TSPEAR: variants seen among roughly 807,000 people sequenced by gnomAD.
TSPEAR encodes thrombospondin type laminin G domain and EAR repeats.
TSPEAR carries 69 observed loss-of-function variants against 71.6 expected under a neutral mutation model. The observed-to-expected ratio is 0.96, with a 90% CI of 0.79 to 1.18. TSPEAR has a LOEUF of 1.18. Among genes scored for constraint, TSPEAR ranks in the 50% most tolerant of loss-of-function variants. The pLI is 0.00. For synonymous variants in TSPEAR, 402 were observed against 387.2 expected (o/e 1.04, Z -0.45); for missense variants, 971 against 894.9 (o/e 1.09, Z -1.09).
chr21:44,671,592 C>T (rs1555945933), intron 1 of TSPEAR, among the ~76,000 whole-genome samples: 1 of 152,218 alleles, frequency 6.6e-6, no homozygotes. Context: ...ACTAGTGATG[C>T]TGTTCACAGC....
chr21:44,629,305 A>G (rs1416893189), intron 1 of TSPEAR, among the ~76,000 whole-genome samples: 2 of 152,178 alleles, frequency 1.3e-5, no homozygotes, highest in Non-Finnish European at 2.9e-5. Context: ...GGCTCGAGCC[A>G]CATACATGGG....
rs782658378 is a variant in TSPEAR, at chr21:44,509,397, AG to A, written c.1567-12del. 3.3e-6 allele frequency: 5 copies of A among 1,535,650 alleles called. No homozygotes were observed. The highest frequency in any genetic ancestry group is 4.4e-6 in the Non-Finnish European group (5 of 1,130,050). On this transcript the variant is annotated splice_polypyrimidine_tract_variant and intron_variant, in intron 9 of 11. Transcript: ENST00000323084. ...TGCAGCACCGAACGTCTAGGACCAA[AG>A]GAGAGCAGGTGCAGAGGTGTGGGGG...
chr21:44,614,553 A>G (rs1981947268), intron 1 of TSPEAR, among the ~76,000 whole-genome samples: 1 of 152,232 alleles, frequency 6.6e-6, no homozygotes, highest in Admixed American at 6.5e-5. Context: ...GGTTCCTGGC[A>G]GGGCCGTGTG....
In TSPEAR at chr21:44,528,488, G is replaced by T. The variant is rs782675044; in HGVS notation, c.886C>A (p.Leu296Met). ...WFDASRKGLY[L>M]CVGNEWVSVL... The stretch of plus-strand genomic sequence containing the variant: ...GAGACCCACTCGTTGCCAACACACA[G>T]ATACAGGCCCTTCCGGCTGGCATCA... Residue 296 changes from leucine to methionine, a missense_variant, in exon 6 of 12, where the codon CTG (leucine) becomes ATG (methionine). Leu to Met is a conservative substitution (Grantham distance 15). Transcript: ENST00000323084. 9 of 1,614,090 alleles carry T rather than the reference G, an allele frequency of 5.6e-6. No individual in the cohort carries two copies. In the East Asian group the frequency reaches 6.7e-5, roughly 12 times the overall value.
At chr21:44,548,892 A>T (rs2053349711) in intron 2 of TSPEAR, among the ~76,000 whole-genome samples, 1 of 152,218 alleles carries the variant, frequency 6.6e-6, no homozygotes, top group Non-Finnish European at 1.5e-5. Flanking sequence ...GAGTGTGGAA[A>T]GGTATATGGT....
Position 44,500,084 on chromosome 21 carries a change from A to G in TSPEAR, c.1857-148T>C, listed in dbSNP as rs753955053. 2.5e-6 allele frequency: 2 copies of G among 789,086 alleles called. 1 individual carries two copies. The allele number at this position is 789,086 out of a possible 1,614,324, so 48.9% of individuals were successfully genotyped here. On this transcript the variant is annotated intron_variant, in intron 11 of 11. Coordinates refer to ENST00000323084, the MANE Select transcript of TSPEAR (RefSeq NM_144991.3). Reference sequence around the variant, plus strand: ...CCCCCGACTGGCACAGCGTGGGGAGATCGATTCTGGGCCATGAGGGCCTTC... The same window carrying G: ...CCCCCGACTGGCACAGCGTGGGGAGGTCGATTCTGGGCCATGAGGGCCTTC...
chr21:44,659,036 G>A (rs1985337595), intron 1 of TSPEAR, among the ~76,000 whole-genome samples: 1 of 152,120 alleles, frequency 6.6e-6, no homozygotes, highest in South Asian at 2.1e-4. Flanking sequence ...GGGGTAGCAG[G>A]AAGTCGAAGA....
chr21:44,500,164 C>T (rs144218288), intron 11 of TSPEAR, among the ~76,000 whole-genome samples: 6 of 152,346 alleles, frequency 3.9e-5, no homozygotes, highest in African/African-American at 1.4e-4. Context: ...CCAGATCTCA[C>T]CAAGATCCCA....
intron 1 of TSPEAR, among the ~76,000 whole-genome samples, chr21:44,694,120 C>G (rs1369336775): frequency 6.6e-6 from 1 of 152,192 alleles, no homozygotes; most frequent in African/African-American, 2.4e-5. Flanking sequence ...AATGCCAAGA[C>G]CATTCAATGG....
intron 2 of TSPEAR, among the ~76,000 whole-genome samples, chr21:44,567,323 AC>A (rs2053716316): frequency 6.8e-6 from 1 of 147,654 alleles, no homozygotes; most frequent in African/African-American, 2.4e-5. Flanking sequence ...CACAGATATG[AC>A]GTGCACTGTC....
intron 1 of TSPEAR, among the ~76,000 whole-genome samples, chr21:44,663,624 T>A (rs1169103383): frequency 6.6e-6 from 1 of 152,054 alleles, no homozygotes; most frequent in Non-Finnish European, 1.5e-5. Context: ...AATCTTGATA[T>A]CAAATTTGAA....
At chr21:44,666,266 TG>T in intron 1 of TSPEAR, 1 of 760,196 alleles carries the variant, frequency 1.3e-6, no homozygotes. Flanking sequence ...CCTGGGGGGA[TG>T]GGCAAGGTCA....
At chr21:44,611,196 A>G (rs1021045984) in intron 1 of TSPEAR, among the ~76,000 whole-genome samples, 6 of 152,214 alleles carry the variant, frequency 3.9e-5, no homozygotes, top group Middle Eastern at 3.4e-3. Flanking sequence ...AGGGCCAGGG[A>G]CAGAATGATA....
chr21:44,706,173 C>T (rs1466082901), intron 1 of TSPEAR, among the ~76,000 whole-genome samples: 4 of 152,200 alleles, frequency 2.6e-5, no homozygotes, highest in African/African-American at 9.6e-5. Flanking sequence ...CGGCCTAGGC[C>T]AGGTAGAACT....
At chr21:44,686,654 G>A (rs1986874588) in intron 1 of TSPEAR, 1 of 152,474 alleles carries the variant, frequency 6.6e-6, no homozygotes. Flanking sequence ...GGATTATCCT[G>A]ATAATCAACT....
chr21:44,669,824 T>A (rs1985971918), intron 1 of TSPEAR, among the ~76,000 whole-genome samples: 1 of 152,116 alleles, frequency 6.6e-6, no homozygotes, highest in Non-Finnish European at 1.5e-5. Context: ...AACAAACAAA[T>A]TGTGGAATAG....
At chr21:44,600,734 C>G in intron 1 of TSPEAR, 2 of 1,611,842 alleles carry the variant, frequency 1.2e-6, no homozygotes, top group African/African-American at 1.4e-5. Context: ...GACGACTGCC[C>G]AGAGAGCTGC....
At chr21:44,658,088 C>T (rs1428907682) in intron 1 of TSPEAR, 4 of 1,613,626 alleles carry the variant, frequency 2.5e-6, no homozygotes, top group African/African-American at 2.7e-5. Context: ...CGTGTGCATG[C>T]CCGTGAGCTG....
chr21:44,665,622 C>T (rs587691934), intron 1 of TSPEAR, among the ~76,000 whole-genome samples: 1 of 152,270 alleles, frequency 6.6e-6, no homozygotes, highest in South Asian at 2.1e-4. Context: ...AGCACACAAT[C>T]CCAACAGTGG....
Sources: gnomAD v4.1 joint callset for allele counts (sites outside exome capture counted in the v4.1 genomes callset) on GRCh38, gnomAD v4.1.1 for gene constraint, MANE v1.5 for transcripts, NCBI Gene and HGNC (gene_info 2026-07-23, HGNC 2026-07-21) for gene names.